The following FBN1 variants were observed in gnomAD, a reference collection of about 807,000 sequenced individuals.
FBN1 encodes fibrillin-1.
A neutral mutation model predicts 365.1 loss-of-function variants in FBN1; 29 were observed. That is an observed-to-expected ratio of 0.08 (90% CI 0.06 to 0.11). The LOEUF (loss-of-function observed/expected upper bound fraction) is 0.11. Ranked by LOEUF, FBN1 falls within the 10% of genes least tolerant of loss-of-function variation. The pLI, the probability that FBN1 is intolerant of heterozygous loss-of-function variation, is 1.00. For missense variants in FBN1, 2,476 were observed against 3,703.2 expected (o/e 0.67, Z 8.60); for synonymous variants, 1,210 against 1,270.5 (o/e 0.95, Z 1.01).
intron 2 of FBN1, among the ~76,000 whole-genome samples, chr15:48,627,002 A>C (rs1355262660): frequency 6.6e-6 from 1 of 152,218 alleles, no homozygotes; most frequent in Non-Finnish European, 1.5e-5. Flanking sequence ...GTAATTTTTC[A>C]AAGGCTACAC....
In FBN1 at chr15:48,526,273, G is replaced by T. The variant is rs1597587602; in HGVS notation, c.863-18C>A. On this transcript the variant is annotated intron_variant, in intron 8 of 65. Coordinates refer to ENST00000316623, the MANE Select transcript of FBN1 (RefSeq NM_000138.5). ...ATCAATATCTGGAATATAAAAAAAAGAATCTCAGCATTTGTAGAACACAAT... is the reference window on the plus strand; with the variant it reads ...ATCAATATCTGGAATATAAAAAAAATAATCTCAGCATTTGTAGAACACAAT... 1.9e-6 allele frequency: 3 copies of T among 1,613,460 alleles called. No individual in the cohort carries two copies. Among genetic ancestry groups the T allele is most frequent in the Non-Finnish European group, 2.5e-6 (3 of 1,179,632 alleles).
chr15:48,535,298 G>C (rs1211121468), intron 7 of FBN1, among the ~76,000 whole-genome samples: 2 of 152,104 alleles, frequency 1.3e-5, no homozygotes, highest in African/African-American at 4.8e-5. Flanking sequence ...TTAATAAATT[G>C]AATGTCTTCA....
rs138574576 is a variant in FBN1 at position 48,411,221 on chromosome 15, G to C, written c.8385C>G (p.Ile2795Met). The change falls in exon 66 of 66, where the codon ATC (isoleucine) becomes ATG (methionine). Residue 2795 changes from isoleucine (I) to methionine (M), a missense_variant. Transcript: ENST00000316623. Reference sequence around the variant, plus strand: ...AGAAGCCATCTTCATTTCCAGATTCGATCAAGTATCTGTTGTGATTCGTCA... The same window carrying C: ...AGAAGCCATCTTCATTTCCAGATTCCATCAAGTATCTGTTGTGATTCGTCA... ...TTLTNHNRYL[I>M]ESGNEDGFFK... 6.2e-7 allele frequency: 1 copy of C among 1,614,038 alleles called. No individual in the cohort carries two copies. The highest frequency in any genetic ancestry group is 1.7e-5 in the Admixed American group (1 of 60,010).
At chr15:48,482,289 A>G (rs896117868) in intron 31 of FBN1, among the ~76,000 whole-genome samples, 1 of 152,230 alleles carries the variant, frequency 6.6e-6, no homozygotes, top group Admixed American at 6.5e-5. Flanking sequence ...AAAGGCTTTC[A>G]GAAGATAAAT....
Position 48,474,565 on chromosome 15 carries a change from G to A in FBN1, c.4050C>T (p.Cys1350=), listed in dbSNP as rs201058219. 1 of 1,614,172 alleles carries A rather than the reference G, an allele frequency of 6.2e-7. No homozygotes were observed. Among genetic ancestry groups the A allele is most frequent in the African/African-American group, 1.3e-5 (1 of 75,052 alleles). The part of the protein sequence containing the change: ...TNTAGSFKCS[C]SPGWIGDGIK... The stretch of plus-strand genomic sequence containing the variant: ...TGCCATCTCCAATCCACCCGGGACT[G>A]CAGCTACATTTGAAGCTTCCTGCTG... Residue 1350 remains cysteine, a synonymous_variant, in exon 33 of 66, where the codon TGC becomes TGT. Transcript: ENST00000316623.
In FBN1 at chr15:48,518,062, T is replaced by C. The variant is rs548061788; in HGVS notation, c.1148-1700A>G. On this transcript the variant is annotated intron_variant, in intron 10 of 65. Transcript: ENST00000316623. ...GGTCAAGTTTATGTTTTCAGATAAT[T>C]CTCTTACAGCATTTTAATTACGATT... 4.6e-5 allele frequency among the ~76,000 whole-genome samples: 7 copies of C among 152,326 alleles called. No homozygotes were observed. In the South Asian group the frequency reaches 1.5e-3, roughly 32 times the overall value.
chr15:48,613,188 C>T, intron 2 of FBN1, 96 bp from the exon 3 acceptor site: 1 of 906,248 alleles, frequency 1.1e-6, no homozygotes, highest in Non-Finnish European at 1.8e-6. Context: ...GTTATAAAAG[C>T]AAGATGAATC....
chr15:48,522,424 A>C (rs2043866926), intron 9 of FBN1, among the ~76,000 whole-genome samples: 1 of 152,164 alleles, frequency 6.6e-6, no homozygotes, highest in Non-Finnish European at 1.5e-5. Flanking sequence ...CTCCCAGTCC[A>C]TGGAAAAATT....
chr15:48,465,280 C>T (rs955102440), intron 40 of FBN1, among the ~76,000 whole-genome samples: 2 of 152,166 alleles, frequency 1.3e-5, no homozygotes, highest in African/African-American at 2.4e-5. Flanking sequence ...AATGGCTTTT[C>T]TGAAGAGCAT....
chr15:48,411,311 A>T lies in FBN1; in HGVS notation c.8295T>A (p.Ala2765=), dbSNP rs1417594908. 3.1e-6 allele frequency: 5 copies of T among 1,614,032 alleles called. No homozygotes were observed. The highest frequency in any genetic ancestry group is 1.3e-5 in the African/African-American group (1 of 74,934). The part of the protein sequence containing the change: ...SWDVEKTAIF[A]FNISHVSNKV... ...TGTTACTGACGTGGGAAATATTGAA[A>T]GCAAAGATGGCTGTCTTCTCAACAT... is the stretch of plus-strand genomic sequence containing the variant. The change falls in exon 66 of 66, where the codon GCT becomes GCA. Residue 2765 remains alanine, a synonymous_variant. Coordinates refer to ENST00000316623, the MANE Select transcript of FBN1 (RefSeq NM_000138.5).
chr15:48,606,560 A>T (rs972636014), intron 4 of FBN1, among the ~76,000 whole-genome samples: 2 of 152,238 alleles, frequency 1.3e-5, no homozygotes, highest in Non-Finnish European at 2.9e-5. Flanking sequence ...AGAACAGATT[A>T]GTGGTTGTCA....
At chr15:48,599,433 C>A (rs1338160218) in intron 5 of FBN1, among the ~76,000 whole-genome samples, 2 of 151,594 alleles carry the variant, frequency 1.3e-5, no homozygotes, top group African/African-American at 4.9e-5. Context: ...CATTACAAGT[C>A]TAGAAGATAC....
chr15:48,594,891 G>A (rs532604328), intron 6 of FBN1, among the ~76,000 whole-genome samples: 1 of 152,288 alleles, frequency 6.6e-6, no homozygotes, highest in Non-Finnish European at 1.5e-5. Flanking sequence ...CAACTTCCCT[G>A]ATTAAGTAAT....
chr15:48,587,651 C>G (rs1436515662), intron 6 of FBN1, among the ~76,000 whole-genome samples: 1 of 152,150 alleles, frequency 6.6e-6, no homozygotes, highest in Non-Finnish European at 1.5e-5. Flanking sequence ...CTAGCTAAAT[C>G]CTGGCCCTGC....
At chr15:48,437,736 G>A (rs2043084448) in intron 51 of FBN1, 32 bp downstream of exon 51, 2 of 1,612,204 alleles carry the variant, frequency 1.2e-6, no homozygotes, top group Admixed American at 1.7e-5. Flanking sequence ...CACCCTGCAT[G>A]GCCCAGAGAG....
At chr15:48,620,104 C>T (rs1889738170) in intron 2 of FBN1, among the ~76,000 whole-genome samples, 1 of 152,084 alleles carries the variant, frequency 6.6e-6, no homozygotes, top group Admixed American at 6.6e-5. Context: ...AGTGATGAAC[C>T]CCAGACAACA....
intron 6 of FBN1, among the ~76,000 whole-genome samples, chr15:48,542,466 G>A (rs1284138976): frequency 2.0e-5 from 3 of 152,168 alleles, no homozygotes; most frequent in Non-Finnish European, 1.5e-5. Flanking sequence ...GGCTCCTAAT[G>A]TGTGGAATTT....
At chr15:48,498,938 T>G (rs1166950187) in intron 18 of FBN1, 47 bp downstream of exon 18, 10 of 1,568,350 alleles carry the variant, frequency 6.4e-6, no homozygotes, top group Non-Finnish European at 8.8e-6. Flanking sequence ...AGCCTGATGC[T>G]GCCTCTGCAC....
chr15:48,411,359 G>A lies in FBN1; in HGVS notation c.8247C>T (p.Ala2749=), dbSNP rs1555393567. The A allele has an allele frequency of 1.2e-6, 2 of 1,613,880 alleles. No homozygotes were observed. The highest frequency in any genetic ancestry group is 1.1e-5 in the South Asian group (1 of 91,074). ...CATCCCAACTTGCAAGACTCACATT[G>A]GCTTCTGTCTCAGACTGATCCTGGA... ...SNIEDQSETE[A]NVSLASWDVE... The change falls in exon 66 of 66, where the codon GCC becomes GCT. Residue 2749 remains alanine (A), a synonymous_variant. Transcript: ENST00000316623.
Sources: allele counts gnomAD v4.1 joint callset (sites outside exome capture counted in the v4.1 genomes callset), GRCh38; gene constraint gnomAD v4.1.1; transcripts MANE v1.5; gene names NCBI Gene and HGNC (gene_info 2026-07-23, HGNC 2026-07-21).